PRKAR1B: variants seen among roughly 807,000 people sequenced by gnomAD.
PRKAR1B encodes cAMP-dependent protein kinase type I-beta regulatory subunit.
In PRKAR1B, 22 loss-of-function variants were observed where a neutral mutation model predicts 46.5. That is an observed-to-expected ratio of 0.47 (90% CI 0.34 to 0.68). The LOEUF (loss-of-function observed/expected upper bound fraction) is 0.68. Among genes scored for constraint, PRKAR1B ranks in the 30% least tolerant of loss-of-function variants. PRKAR1B has a pLI of 0.01. For missense variants in PRKAR1B, 445 were observed against 535.6 expected (o/e 0.83, Z 1.67); for synonymous variants, 259 against 217.7 (o/e 1.19, Z -1.67).
chr7:678,502 A>G (rs182234623), intron 3 of PRKAR1B, among the ~76,000 whole-genome samples: 1 of 152,154 alleles, frequency 6.6e-6, no homozygotes. Context: ...GCACCCTTTG[A>G]TCAACAATTC....
At chr7:684,901 C>G (rs921596564) in intron 2 of PRKAR1B, among the ~76,000 whole-genome samples, 5 of 151,812 alleles carry the variant, frequency 3.3e-5, no homozygotes, top group South Asian at 2.1e-4. Context: ...CACACACACA[C>G]AGAGGATGGA....
chr7:678,126 C>A (rs973392626), intron 3 of PRKAR1B, among the ~76,000 whole-genome samples: 1 of 150,810 alleles, frequency 6.6e-6, no homozygotes, highest in African/African-American at 2.5e-5. Flanking sequence ...CAAAAATTAG[C>A]TGGGAAAGGT....
chr7:611,543 C>T (rs1035327692), intron 4 of PRKAR1B, among the ~76,000 whole-genome samples: 6 of 152,264 alleles, frequency 3.9e-5, no homozygotes, highest in Admixed American at 2.6e-4. Context: ...ATGCCTCCCC[C>T]TCCTGCAACA....
At chr7:557,273 G>A (rs531874899) in intron 9 of PRKAR1B, among the ~76,000 whole-genome samples, 9 of 152,214 alleles carry the variant, frequency 5.9e-5, no homozygotes, top group Admixed American at 2.6e-4. Flanking sequence ...CGTGACACCC[G>A]TGACCAGGCC....
At chr7:556,709 G>T (rs1778465797) in intron 9 of PRKAR1B, among the ~76,000 whole-genome samples, 2 of 152,176 alleles carry the variant, frequency 1.3e-5, no homozygotes, top group Admixed American at 6.5e-5. Context: ...ATCGGGAACA[G>T]TTCCCCACGC....
intron 1 of PRKAR1B, among the ~76,000 whole-genome samples, chr7:722,527 G>A (rs919036339): frequency 3.7e-4 from 55 of 147,296 alleles, no homozygotes; most frequent in African/African-American, 1.1e-3. Context: ...GTGAGCCACC[G>A]CGCCTGGCTA....
chr7:590,359 T>G (rs765254241), intron 7 of PRKAR1B, among the ~76,000 whole-genome samples: 1 of 152,070 alleles, frequency 6.6e-6, no homozygotes, highest in Non-Finnish European at 1.5e-5. Context: ...GCAGGCCTGG[T>G]GGGCACAGCT....
chr7:673,096 G>A (rs1786376001), intron 4 of PRKAR1B, among the ~76,000 whole-genome samples: 1 of 122,246 alleles, frequency 8.2e-6, no homozygotes, highest in Admixed American at 1.0e-4. Context: ...ACACAGAATG[G>A]ACAGCTGGTC....
intron 4 of PRKAR1B, among the ~76,000 whole-genome samples, chr7:654,439 A>C (rs534660590): frequency 6.6e-6 from 1 of 151,554 alleles, no homozygotes; most frequent in Non-Finnish European, 1.5e-5. Flanking sequence ...TACTATCACC[A>C]TCATCATCAC....
intron 4 of PRKAR1B, among the ~76,000 whole-genome samples, chr7:650,701 C>T (rs1784859887): frequency 6.6e-6 from 1 of 152,240 alleles, no homozygotes; most frequent in Non-Finnish European, 1.5e-5. Flanking sequence ...ACTTCAAGGA[C>T]AGAGGGAACA....
intron 6 of PRKAR1B, among the ~76,000 whole-genome samples, chr7:605,049 G>T (rs978038525): frequency 1.3e-5 from 2 of 152,238 alleles, no homozygotes; most frequent in African/African-American, 4.8e-5. Context: ...AGCCGCAGAG[G>T]GTCCTACGAG....
At chr7:564,477 C>G (rs924151198) in intron 9 of PRKAR1B, among the ~76,000 whole-genome samples, 1 of 152,220 alleles carries the variant, frequency 6.6e-6, no homozygotes, top group African/African-American at 2.4e-5. Flanking sequence ...TGGCTCGGAG[C>G]TTTGCACTGC....
At chr7:613,598 G>A (rs1291457259) in intron 4 of PRKAR1B, among the ~76,000 whole-genome samples, 1 of 152,160 alleles carries the variant, frequency 6.6e-6, no homozygotes, top group Non-Finnish European at 1.5e-5. Context: ...GGGGTTGAAC[G>A]TGAGTAACTC....
At chr7:711,695 G>T (rs1245155062) in intron 1 of PRKAR1B, among the ~76,000 whole-genome samples, 168 bp from the exon 2 acceptor site, 1 of 152,094 alleles carries the variant, frequency 6.6e-6, no homozygotes, top group Non-Finnish European at 1.5e-5. Context: ...GGTGTTAAAC[G>T]TGACGGCCCC....
At chr7:693,235 G>A (rs1295933479) in intron 2 of PRKAR1B, among the ~76,000 whole-genome samples, 1 of 146,022 alleles carries the variant, frequency 6.8e-6, no homozygotes, top group Non-Finnish European at 1.5e-5. Context: ...GGGTCCTGTC[G>A]AGCTTTTTTT....
At chr7:620,303 T>A (rs1783044747) in intron 4 of PRKAR1B, among the ~76,000 whole-genome samples, 1 of 152,218 alleles carries the variant, frequency 6.6e-6, no homozygotes, top group Non-Finnish European at 1.5e-5. Context: ...CCTCTCCCTA[T>A]TCAGATCGTG....
intron 3 of PRKAR1B, among the ~76,000 whole-genome samples, chr7:677,992 C>T (rs565075156): frequency 4.0e-4 from 61 of 152,250 alleles, no homozygotes; most frequent in South Asian, 8.3e-4. Flanking sequence ...CTACACAGGC[C>T]GGGCACGGTG....
intron 4 of PRKAR1B, among the ~76,000 whole-genome samples, chr7:608,729 T>A (rs1782281267): frequency 8.8e-6 from 1 of 113,510 alleles, no homozygotes; most frequent in Non-Finnish European, 1.8e-5. Context: ...TGGGGAGGGG[T>A]CAGTGTGTGG....
chr7:635,242 G>A (rs1783978875), intron 4 of PRKAR1B, among the ~76,000 whole-genome samples: 1 of 152,246 alleles, frequency 6.6e-6, no homozygotes, highest in Non-Finnish European at 1.5e-5. Flanking sequence ...GAAACCAGCT[G>A]AGCAGGGGTC....
Sources: gnomAD v4.1 joint callset for allele counts (sites outside exome capture counted in the v4.1 genomes callset) on GRCh38, gnomAD v4.1.1 for gene constraint, MANE v1.5 for transcripts, NCBI Gene and HGNC (gene_info 2026-07-23, HGNC 2026-07-21) for gene names.